ZNF334: variants seen among roughly 807,000 people sequenced by gnomAD.
The protein encoded by ZNF334 is zinc finger protein 334.
ZNF334 carries 14 observed loss-of-function variants against 12.4 expected under a neutral mutation model. That is an observed-to-expected ratio of 1.13 (90% confidence interval 0.74 to 1.76). The LOEUF (loss-of-function observed/expected upper bound fraction) is 1.76. ZNF334 is among the 40% of genes most tolerant of loss of function. The pLI, the probability that ZNF334 is intolerant of heterozygous loss-of-function variation, is 0.00. For missense variants in ZNF334, 797 were observed against 804.5 expected (o/e 0.99, Z 0.11); for synonymous variants, 273 against 269.6 (o/e 1.01, Z -0.12).
At chr20:46,463,641 TCTGA>T in the ZNF334 span, 10 of 214,110 alleles carry the variant, frequency 4.7e-5, 1 homozygote, top group South Asian at 2.6e-4. Context: ...ACACGAACTG[TCTGA>T]CTGTTAAATT....
rs749175083 is a variant in ZNF334, at chr20:46,504,211, T to C, written c.241+3A>G. 6 of 1,603,382 alleles carry C rather than the reference T, an allele frequency of 3.7e-6. No homozygotes were observed. Among genetic ancestry groups the C allele is most frequent in the Non-Finnish European group, 5.1e-6 (6 of 1,173,596 alleles). ...TCCACCTGCTCAGTTATCATTTACTTACCTGGGTAGTTCTGATTTGAGAAT... is the reference window on the plus strand; with the variant it reads ...TCCACCTGCTCAGTTATCATTTACTCACCTGGGTAGTTCTGATTTGAGAAT... On this transcript the variant is annotated splice_donor_region_variant and intron_variant, in intron 4 of 4. Transcript: ENST00000692313.
chr20:46,462,417 T>C, the ZNF334 span, among the ~76,000 whole-genome samples: 4 of 152,206 alleles, frequency 2.6e-5, no homozygotes, highest in African/African-American at 7.2e-5. Flanking sequence ...ATTACTCCAC[T>C]ACAGTAAACA....
At chr20:46,468,632 G>T in the ZNF334 span, among the ~76,000 whole-genome samples, 1 of 152,096 alleles carries the variant, frequency 6.6e-6, no homozygotes, top group Non-Finnish European at 1.5e-5. Context: ...ATTATGCAGA[G>T]ATATTTAGAA....
rs770427424 is a variant in ZNF334, at chr20:46,501,486, T to A, written c.1853A>T (p.His618Leu). The A allele has an allele frequency of 6.2e-7, 1 of 1,614,176 alleles. No individual in the cohort carries two copies. The highest frequency in any genetic ancestry group is 8.5e-7 in the Non-Finnish European group (1 of 1,180,016). ...TTTCTCTCCTGTGTGAATTCTTCTA[T>A]GGACTCTGAAGGCTGACTTATGGCA... ...SFCHKSAFRV[H>L]RRIHTGEKPY... Residue 618 changes from histidine to leucine, a missense_variant, in exon 5 of 5, where the codon CAT becomes CTT. His to Leu is a moderately conservative substitution (Grantham distance 99, BLOSUM62 -3). Coordinates refer to ENST00000692313, the MANE Select transcript of ZNF334 (RefSeq NM_001353824.2).
chr20:46,502,251 T>C lies in ZNF334; in HGVS notation c.1088A>G (p.Tyr363Cys). ...GTGAGTTCTTTGATGTACAACAAGA[T>C]ACGATTTCTTGCTGAAGGCATTTCC... Reference protein sequence around the residue: ...ECGNAFSKKSYLVVHQRTHRG... With the variant: ...ECGNAFSKKSCLVVHQRTHRG... The change falls in exon 5 of 5, where the codon TAT (tyrosine) becomes TGT (cysteine). Residue 363 changes from tyrosine to cysteine, a missense_variant. By Grantham distance (194) the Tyr-to-Cys change is radical. Transcript: ENST00000692313. 1.2e-6 allele frequency: 2 copies of C among 1,614,112 alleles called. No individual in the cohort carries two copies. Among genetic ancestry groups the C allele is most frequent in the South Asian group, 1.1e-5 (1 of 91,080 alleles).
chr20:46,513,032 G>A lies in ZNF334; in HGVS notation c.-531C>T, dbSNP rs1720410088. 6.6e-6 allele frequency: 1 copy of A among 152,138 alleles called. No homozygotes were observed. The highest frequency in any genetic ancestry group is 6.5e-5 in the Admixed American group (1 of 15,280). 9.4% of individuals were successfully genotyped at this position (152,138 alleles called of 1,614,324 possible). ...ACCAGTACTCCTTCCCTCCAACCCAGGACTCTCGCAGATACCTCCAGTGAA... is the reference window on the plus strand; with the variant it reads ...ACCAGTACTCCTTCCCTCCAACCCAAGACTCTCGCAGATACCTCCAGTGAA... On this transcript the variant is annotated 5_prime_UTR_variant, in exon 1 of 5. Coordinates refer to ENST00000692313, the MANE Select transcript of ZNF334 (RefSeq NM_001353824.2).
the ZNF334 span, among the ~76,000 whole-genome samples, chr20:46,468,532 G>C: frequency 6.6e-6 from 1 of 151,430 alleles, no homozygotes; most frequent in Non-Finnish European, 1.5e-5. Context: ...TGATTCACCC[G>C]CCTCAGCCTC....
the ZNF334 span, among the ~76,000 whole-genome samples, chr20:46,483,760 C>G: frequency 6.6e-6 from 1 of 152,196 alleles, no homozygotes; most frequent in Non-Finnish European, 1.5e-5. Context: ...CAACTTGACT[C>G]TGCACCCTGG....
rs1354813053 is a variant in ZNF334 at position 46,500,144 on chromosome 20, T to C, written c.*1152A>G. 1 of 152,172 alleles carries C rather than the reference T, an allele frequency of 6.6e-6. No individual in the cohort carries two copies. Among genetic ancestry groups the C allele is most frequent in the African/African-American group, 2.4e-5 (1 of 41,440 alleles). 9.4% of individuals were successfully genotyped at this position (152,172 alleles called of 1,614,324 possible). The stretch of plus-strand genomic sequence containing the variant: ...GCCCACAATGAAGAGGGAGTTCAGC[T>C]GAGCAAACCCAGTTACCCATCACTA... On this transcript the variant is annotated 3_prime_UTR_variant, in exon 5 of 5. Transcript: ENST00000692313.
chr20:46,509,589 G>A, intron 2 of ZNF334: 1 of 702,972 alleles, frequency 1.4e-6, no homozygotes. Flanking sequence ...AAAGGATGGG[G>A]AATTCATCTG....
At chr20:46,479,412 G>C in the ZNF334 span, among the ~76,000 whole-genome samples, 1 of 152,160 alleles carries the variant, frequency 6.6e-6, no homozygotes, top group Non-Finnish European at 1.5e-5. Flanking sequence ...AATCATCATG[G>C]GAAGGGAGGT....
At chr20:46,491,850 A>G in the ZNF334 span, 10 of 153,588 alleles carry the variant, frequency 6.5e-5, no homozygotes, top group African/African-American at 2.2e-4. Context: ...GGAAAGACCT[A>G]TCGCCTTAAC....
chr20:46,484,732 A>C, the ZNF334 span: 2 of 161,482 alleles, frequency 1.2e-5, no homozygotes, highest in East Asian at 3.8e-4. Context: ...TGTTAAGAGA[A>C]GACATTTTCA....
intron 4 of ZNF334, 31 bp downstream of exon 4, chr20:46,504,183 G>A: frequency 6.8e-7 from 1 of 1,469,186 alleles, no homozygotes; most frequent in Non-Finnish European, 9.4e-7. Context: ...CATTTCCATT[G>A]GTTCCACCTG....
the ZNF334 span, among the ~76,000 whole-genome samples, chr20:46,469,430 G>A: frequency 6.6e-6 from 1 of 151,018 alleles, no homozygotes; most frequent in African/African-American, 2.4e-5. Context: ...GTGCGGTGGA[G>A]TGATCTTGGC....
the ZNF334 span, chr20:46,480,971 C>T: frequency 6.6e-6 from 1 of 152,286 alleles, no homozygotes; most frequent in East Asian, 1.9e-4. Flanking sequence ...GGAGAAAGAA[C>T]CTGAAAGCCA....
chr20:46,482,966 A>G, the ZNF334 span, among the ~76,000 whole-genome samples: 1 of 152,154 alleles, frequency 6.6e-6, no homozygotes, highest in African/African-American at 2.4e-5. Context: ...AAACTTTAAG[A>G]AAGCTATCTA....
In ZNF334 at chr20:46,501,021, T is replaced by C; in HGVS notation, c.*275A>G. 2.8e-6 allele frequency: 1 copy of C among 360,984 alleles called. No individual in the cohort carries two copies. The highest frequency in any genetic ancestry group is 5.0e-6 in the Non-Finnish European group (1 of 200,350). 22.4% of individuals were successfully genotyped at this position (360,984 alleles called of 1,614,324 possible). A position where few individuals can be genotyped will look rare whatever the true frequency, so the allele number is the denominator to read the frequency against. ...AGTAACAATTTAACTTAAACAATGT[T>C]TGTTTCATTATTTTAAAAGGGAGGC... On this transcript the variant is annotated 3_prime_UTR_variant, in exon 5 of 5. Coordinates refer to ENST00000692313, the MANE Select transcript of ZNF334 (RefSeq NM_001353824.2).
chr20:46,502,780 T>C lies in ZNF334; in HGVS notation c.559A>G (p.Arg187Gly). ...GMKKYRYNPM[R>G]KASNQNENLI... ...TTTTCGTTTTGATTGCTGGCTTTCCTCATTGGATTGTATCTGTATTTTTTC... is the reference window on the plus strand; with the variant it reads ...TTTTCGTTTTGATTGCTGGCTTTCCCCATTGGATTGTATCTGTATTTTTTC... The change falls in exon 5 of 5, where the codon AGG becomes GGG. Residue 187 changes from arginine to glycine, a missense_variant. Arg to Gly is a moderately radical substitution (Grantham distance 125, BLOSUM62 -2). Transcript: ENST00000692313. 1 of 1,613,940 alleles carries C rather than the reference T, an allele frequency of 6.2e-7. No homozygotes were observed. Among genetic ancestry groups the C allele is most frequent in the South Asian group, 1.1e-5 (1 of 91,080 alleles).
Sources: allele counts gnomAD v4.1 joint callset (sites outside exome capture counted in the v4.1 genomes callset), GRCh38; gene constraint gnomAD v4.1.1; transcripts MANE v1.5; gene names NCBI Gene and HGNC (gene_info 2026-07-23, HGNC 2026-07-21).